The following ABCC8 variants were observed in gnomAD, a reference collection of about 807,000 sequenced individuals.
ABCC8 encodes ATP-binding cassette sub-family C member 8.
Under a neutral mutation model 188.0 loss-of-function variants are expected in ABCC8, and 137 were observed. That is an observed-to-expected ratio of 0.73 (90% CI 0.63 to 0.84). ABCC8 has a LOEUF of 0.84. Among genes scored for constraint, ABCC8 ranks in the 40% least tolerant of loss-of-function variants. The pLI is 0.00. For synonymous variants in ABCC8, 797 were observed against 846.5 expected (o/e 0.94, Z 1.01); for missense variants, 1,750 against 2,072.7 (o/e 0.84, Z 3.02).
At position 17,416,910 on chromosome 11, in the gene ABCC8, A is replaced by G. The variant is rs761738901; in HGVS notation, c.2255+20T>C. 6.2e-7 allele frequency: 1 copy of G among 1,611,766 alleles called. No individual in the cohort carries two copies. The highest frequency in any genetic ancestry group is 1.7e-5 in the Admixed American group (1 of 59,792). On this transcript the variant is annotated intron_variant, in intron 17 of 38. Coordinates refer to ENST00000389817, the MANE Select transcript of ABCC8 (RefSeq NM_000352.6). ...TTCCCTTTGTTGAGACCCACTTCTGACCCAGTCCCAAGGCTGTACCTGGGG... is the reference window on the plus strand; with the variant it reads ...TTCCCTTTGTTGAGACCCACTTCTGGCCCAGTCCCAAGGCTGTACCTGGGG...
chr11:17,474,136 T>C (rs1848629655), intron 2 of ABCC8, among the ~76,000 whole-genome samples: 2 of 152,210 alleles, frequency 1.3e-5, no homozygotes, highest in Non-Finnish European at 2.9e-5. Flanking sequence ...TGCCCAATTC[T>C]GCCTTCCTCT....
chr11:17,437,091 CAAAAAAAAAA>C (rs71047551), intron 10 of ABCC8, among the ~76,000 whole-genome samples: 1 of 55,058 alleles, frequency 1.8e-5, no homozygotes, highest in Admixed American at 2.7e-4. Flanking sequence ...AACTCTGTCT[CAAAAAAAAAA>C]AAAAAAAAAA....
chr11:17,402,429 G>C (rs929136803), intron 29 of ABCC8, among the ~76,000 whole-genome samples: 1 of 152,220 alleles, frequency 6.6e-6, no homozygotes. Context: ...GCCTCACAGA[G>C]GTCCTGGGCT....
chr11:17,399,511 T>G (rs1280336260), intron 29 of ABCC8, among the ~76,000 whole-genome samples: 2 of 152,096 alleles, frequency 1.3e-5, no homozygotes, highest in African/African-American at 2.4e-5. Flanking sequence ...GCCCTTGCTC[T>G]TCATAAGGCT....
chr11:17,455,295 G>A (rs1459935096), intron 6 of ABCC8, among the ~76,000 whole-genome samples: 1 of 152,144 alleles, frequency 6.6e-6, no homozygotes, highest in Non-Finnish European at 1.5e-5. Context: ...GTGTTACAAT[G>A]AGCAGAAAAC....
At chr11:17,393,215 T>TGGA in intron 38 of ABCC8, 87 bp from the exon 39 acceptor site, 1 of 1,558,498 alleles carries the variant, frequency 6.4e-7, no homozygotes, top group Non-Finnish European at 8.7e-7. Context: ...TCCTGCGGCT[T>TGGA]GGAGGAGGAG....
At chr11:17,395,328 T>A in intron 35 of ABCC8, 53 bp from the exon 36 acceptor site, 1 of 1,551,994 alleles carries the variant, frequency 6.4e-7, no homozygotes, top group Non-Finnish European at 8.7e-7. Flanking sequence ...CCTGCCTGCA[T>A]CCCCAGGCGG....
rs1279392845 is a variant in ABCC8, at chr11:17,427,620, C to T, written c.2116+247G>A. On this transcript the variant is annotated intron_variant, in intron 15 of 38. Coordinates refer to ENST00000389817, the MANE Select transcript of ABCC8 (RefSeq NM_000352.6). This position sits in a 1 kb window ranked among gnomAD's most constrained non-coding sequence, Gnocchi z 5.0. ...CCACTTCTGATCTTTTTGTGCATTA[C>T]CTATACTGTCTGCAATGGATGGTTT... 6.6e-6 allele frequency among the ~76,000 whole-genome samples: 1 copy of T among 152,134 alleles called. No individual in the cohort carries two copies. Among genetic ancestry groups the T allele is most frequent in the Non-Finnish European group, 1.5e-5 (1 of 68,028 alleles).
Position 17,474,869 on chromosome 11 carries a change from C to T in ABCC8, c.290+17G>A, listed in dbSNP as rs1324236044. On this transcript the variant is annotated intron_variant, in intron 2 of 38. Transcript: ENST00000389817. ...TGGAGCAGATTCACTTTCCTGAGTC[C>T]TCAGACAGTCACTCACCCATCAGAC... 2 of 1,613,770 alleles carry T rather than the reference C, an allele frequency of 1.2e-6. No individual in the cohort carries two copies. Among genetic ancestry groups the T allele is most frequent in the Non-Finnish European group, 1.7e-6 (2 of 1,179,666 alleles).
chr11:17,476,558 C>G, intron 1 of ABCC8, 71 bp downstream of exon 1: 2 of 1,550,846 alleles, frequency 1.3e-6, no homozygotes, highest in Non-Finnish European at 1.8e-6. Flanking sequence ...CCGAGCGGTG[C>G]GGCGCGCAGC....
Position 17,396,932 on chromosome 11 carries a change from A to G in ABCC8, c.4103T>C (p.Ile1368Thr), listed in dbSNP as rs1381802935. 4 of 1,614,088 alleles carry G rather than the reference A, an allele frequency of 2.5e-6. No homozygotes were observed. The highest frequency in any genetic ancestry group is 2.5e-6 in the Non-Finnish European group (3 of 1,180,006). Residue 1368 changes from isoleucine to threonine, a missense_variant, in exon 33 of 39, where the codon ATC (isoleucine) becomes ACC (threonine). Physicochemically the swap from Ile to Thr is moderately conservative, Grantham distance 89 (BLOSUM62 -1). Transcript: ENST00000389817. ...KPVLKHVNAL[I>T]APGQKIGICG... ...TGCTCTGACCTTCTGTCCAGGGGCGATGAGGGCATTGACGTGCTTCAGCAC... is the reference window on the plus strand; with the variant it reads ...TGCTCTGACCTTCTGTCCAGGGGCGGTGAGGGCATTGACGTGCTTCAGCAC...
chr11:17,406,080 A>G (rs1441775631), intron 26 of ABCC8, among the ~76,000 whole-genome samples: 1 of 152,278 alleles, frequency 6.6e-6, no homozygotes, highest in Non-Finnish European at 1.5e-5. Context: ...TAGCCTCGAC[A>G]AGGGGCCAGA....
chr11:17,423,637 C>T (rs1302046772), intron 16 of ABCC8, among the ~76,000 whole-genome samples: 1 of 152,162 alleles, frequency 6.6e-6, no homozygotes, highest in East Asian at 1.9e-4. Flanking sequence ...TTCACTACCG[C>T]CCCTCTGCGA....
intron 30 of ABCC8, 84 bp from the exon 31 acceptor site, chr11:17,397,881 G>C (rs2133412019): frequency 3.2e-6 from 5 of 1,558,618 alleles, no homozygotes; most frequent in Non-Finnish European, 4.3e-6. Context: ...TCGGGGCAGA[G>C]AGCAGCTCAG....
chr11:17,398,248 C>T (rs1954047152), intron 30 of ABCC8, 91 bp downstream of exon 30: 10 of 1,512,090 alleles, frequency 6.6e-6, no homozygotes, highest in East Asian at 2.3e-5. Flanking sequence ...ATCTGGTATC[C>T]TATCCTCTCT....
intron 7 of ABCC8, among the ~76,000 whole-genome samples, chr11:17,450,677 A>G (rs56213202): frequency 0.034 from 4,303 of 127,406 alleles, 105 homozygotes; most frequent in South Asian, 0.073. Context: ...GATTACAGGC[A>G]TGAGCCACTT....
At chr11:17,439,327 T>C (rs1564941339) in intron 10 of ABCC8, among the ~76,000 whole-genome samples, 1 of 152,074 alleles carries the variant, frequency 6.6e-6, no homozygotes, top group Admixed American at 6.5e-5. Flanking sequence ...GAGTCACAGG[T>C]AATCTTGCCT....
intron 22 of ABCC8, among the ~76,000 whole-genome samples, chr11:17,409,334 G>T (rs1278349057): frequency 6.6e-6 from 1 of 152,036 alleles, no homozygotes; most frequent in Admixed American, 6.6e-5. Flanking sequence ...CACCCCTGCT[G>T]CCCTCACCCC....
chr11:17,414,315 G>A (rs958542780), intron 19 of ABCC8, among the ~76,000 whole-genome samples, 197 bp downstream of exon 19: 2 of 150,942 alleles, frequency 1.3e-5, no homozygotes, highest in African/African-American at 4.9e-5. Context: ...TCCCCTATGG[G>A]AGCTGGATTG....
Sources: allele counts gnomAD v4.1 joint callset (sites outside exome capture counted in the v4.1 genomes callset), GRCh38; gene constraint gnomAD v4.1.1; non-coding constraint Gnocchi (gnomAD v3.1); transcripts MANE v1.5; gene names NCBI Gene and HGNC (gene_info 2026-07-23, HGNC 2026-07-21).